MYBBP1A: variants seen among roughly 807,000 people sequenced by gnomAD.
The protein encoded by MYBBP1A is myb-binding protein 1A.
A neutral mutation model predicts 136.3 loss-of-function variants in MYBBP1A; 147 were observed. That is an observed-to-expected ratio of 1.08 (90% CI 0.94 to 1.24). The LOEUF (loss-of-function observed/expected upper bound fraction) is 1.24, where lower values mean the gene tolerates loss of function less well. MYBBP1A is among the 50% of genes most tolerant of loss of function. The pLI, the probability that MYBBP1A is intolerant of heterozygous loss-of-function variation, is 0.00. For synonymous variants in MYBBP1A, 947 were observed against 735.8 expected, an observed-to-expected ratio of 1.29 and a Z score of -4.65; for missense variants, 2,060 against 1,727.4, an observed-to-expected ratio of 1.19 and a Z score of -3.41.
intron 13 of MYBBP1A, among the ~76,000 whole-genome samples, chr17:4,546,320 T>C (rs1907008694): frequency 1.3e-5 from 2 of 152,212 alleles, no homozygotes; most frequent in South Asian, 4.1e-4. Flanking sequence ...GGTTTCACCA[T>C]GTTGGCCAGG....
At position 4,538,953 on chromosome 17, in the gene MYBBP1A, C is replaced by T; in HGVS notation, c.*462G>A. The T allele has an allele frequency of 1.3e-6, 1 of 785,250 alleles. No individual in the cohort carries two copies. Among genetic ancestry groups the T allele is most frequent in the East Asian group, 2.4e-5 (1 of 41,274 alleles). The allele number at this position is 785,250 out of a possible 1,614,324, so 48.6% of individuals were successfully genotyped here. A position where few individuals can be genotyped will look rare whatever the true frequency, so the allele number is the denominator to read the frequency against. On this transcript the variant is annotated 3_prime_UTR_variant, in exon 26 of 26. Coordinates refer to ENST00000254718, the MANE Select transcript of MYBBP1A (RefSeq NM_014520.4). ...CAAACTGCTCCTTTATTTTTTAGAG[C>T]TGCTGATTGTGAATCTCAGAGTCTT...
intron 5 of MYBBP1A, among the ~76,000 whole-genome samples, chr17:4,553,303 A>G (rs1210294532): frequency 6.6e-6 from 1 of 152,166 alleles, no homozygotes; most frequent in Admixed American, 6.5e-5. Flanking sequence ...TCGGTGACAA[A>G]AGGGCCTAGG....
rs545390342 is a variant in MYBBP1A, at chr17:4,548,888, G to A, written c.1431-239C>T. ...GCTGAACGCGGGTTAACCCGAGCTA[G>A]AGAGAGTCAGTGCCCCTCTCAAGGA... is the stretch of plus-strand genomic sequence containing the variant. On this transcript the variant is annotated intron_variant, in intron 10 of 25. Coordinates refer to ENST00000254718, the MANE Select transcript of MYBBP1A (RefSeq NM_014520.4). This position sits in a 1 kb window ranked among gnomAD's most constrained non-coding sequence, Gnocchi z 4.2. Among the ~76,000 whole-genome samples, 1 of 152,340 alleles carries A rather than the reference G, an allele frequency of 6.6e-6. No homozygotes were observed. Among genetic ancestry groups the A allele is most frequent in the Admixed American group, 6.5e-5 (1 of 15,310 alleles).
At position 4,549,324 on chromosome 17, in the gene MYBBP1A, G is replaced by A. The variant is rs1907292174; in HGVS notation, c.1430+8C>T. On this transcript the variant is annotated splice_region_variant and intron_variant, in intron 10 of 25. Transcript: ENST00000254718. ...CATGGGAAGCTGGGAATCCAGCACA[G>A]CTCGCACCTGGCCACCTGCTCAGTC... The A allele has an allele frequency of 6.2e-7, 1 of 1,608,810 alleles. No homozygotes were observed. Among genetic ancestry groups the A allele is most frequent in the Non-Finnish European group, 8.5e-7 (1 of 1,179,354 alleles).
chr17:4,555,279 T>C lies in MYBBP1A; in HGVS notation c.46A>G (p.Thr16Ala). 1 of 1,610,774 alleles carries C rather than the reference T, an allele frequency of 6.2e-7. No individual in the cohort carries two copies. The highest frequency in any genetic ancestry group is 2.2e-5 in the East Asian group (1 of 44,804). ...TCGGCAGGCCGGGCGCCACTCTGCG[T>C]CGCTTCTCCAGGCGACATCGGCTGG... ...PAQPMSPGEA[T>A]QSGARPADRY... The change falls in exon 1 of 26, where the codon ACG (threonine) becomes GCG (alanine). Residue 16 changes from threonine (T) to alanine (A), a missense_variant. Thr to Ala is a moderately conservative substitution (Grantham distance 58). Transcript: ENST00000254718.
intron 25 of MYBBP1A, 146 bp from the exon 26 acceptor site, chr17:4,540,113 T>TGAGGGTCCTGCGAGGCCC: frequency 1.7e-6 from 2 of 1,186,326 alleles, no homozygotes; most frequent in Non-Finnish European, 2.3e-6. Context: ...GAGGGTCCTA[T>TGAGGGTCCTGCGAGGCCC]GAGGGTCCTG....
At chr17:4,554,979 G>T in intron 1 of MYBBP1A, 23 bp from the exon 2 acceptor site, 1 of 1,612,088 alleles carries the variant, frequency 6.2e-7, no homozygotes, top group South Asian at 1.1e-5. Context: ...GCACACCCTC[G>T]TGTTCAATGG....
At chr17:4,547,214 C>A (rs569727966) in intron 13 of MYBBP1A, among the ~76,000 whole-genome samples, 10 of 152,266 alleles carry the variant, frequency 6.6e-5, no homozygotes, top group Admixed American at 6.5e-4. Flanking sequence ...GCCAGGGCTG[C>A]ACCTTTTATC....
At chr17:4,544,439 C>G in intron 19 of MYBBP1A, 50 bp downstream of exon 19, 1 of 1,537,796 alleles carries the variant, frequency 6.5e-7, no homozygotes, top group Non-Finnish European at 8.7e-7. Context: ...GGCTCTCCTG[C>G]GCCTGGGGGC....
Position 4,552,065 on chromosome 17 carries a change from T to C in MYBBP1A, c.905+60A>G. The C allele has an allele frequency of 6.3e-7, 1 of 1,597,260 alleles. No homozygotes were observed. The highest frequency in any genetic ancestry group is 1.1e-5 in the South Asian group (1 of 88,466). ...CCCCTGGTGGGAACCTCAGGACTAG[T>C]GGCCTAGCCCACTTCACGGACAGGG... is the stretch of plus-strand genomic sequence containing the variant. On this transcript the variant is annotated intron_variant, in intron 7 of 25. Coordinates refer to ENST00000254718, the MANE Select transcript of MYBBP1A (RefSeq NM_014520.4). The surrounding 1 kb of genome is among the most constrained non-coding windows in gnomAD (Gnocchi z 4.7).
At chr17:4,542,765 G>A (rs1285367595) in intron 20 of MYBBP1A, 24 bp from the exon 21 acceptor site, 3 of 1,611,958 alleles carry the variant, frequency 1.9e-6, no homozygotes, top group Non-Finnish European at 2.5e-6. Context: ...GAGCGAGCTG[G>A]GTGAGGCCAG....
At chr17:4,549,785 C>CAAAAAAAAAAAAAAA (rs60360356) in intron 9 of MYBBP1A, among the ~76,000 whole-genome samples, 1 of 65,404 alleles carries the variant, frequency 1.5e-5, no homozygotes, top group Non-Finnish European at 3.1e-5. Flanking sequence ...GAGACTCTGT[C>CAAAAAAAAAAAAAAA]AAAAAAAAAA....
chr17:4,548,740 C>T lies in MYBBP1A; in HGVS notation c.1431-91G>A. Reference sequence around the variant, plus strand: ...GGATGGTACCACCGAGGGTACAAGGCCAGGAGGAGGAGGAGCCGCCCTTCT... The same window carrying T: ...GGATGGTACCACCGAGGGTACAAGGTCAGGAGGAGGAGGAGCCGCCCTTCT... On this transcript the variant is annotated intron_variant, in intron 10 of 25. Transcript: ENST00000254718. This position sits in a 1 kb window ranked among gnomAD's most constrained non-coding sequence, Gnocchi z 4.2. 1 of 1,558,396 alleles carries T rather than the reference C, an allele frequency of 6.4e-7. No individual in the cohort carries two copies. The highest frequency in any genetic ancestry group is 8.7e-7 in the Non-Finnish European group (1 of 1,145,866).
rs746048290 is a variant in MYBBP1A at position 4,539,022 on chromosome 17, A to G, written c.*393T>C. The G allele has an allele frequency of 7.2e-6, 6 of 836,460 alleles. No homozygotes were observed. The African/African-American group carries it at 1.0e-4, about 14-fold the overall frequency. 51.8% of individuals were successfully genotyped at this position (836,460 alleles called of 1,614,324 possible). A position where few individuals can be genotyped will look rare whatever the true frequency, so the allele number is the denominator to read the frequency against. Reference sequence around the variant, plus strand: ...ATTCCTCTTGTAAATGAAGAAATAAACCTATTTAAATCACCCCCTGGTGGC... The same window carrying G: ...ATTCCTCTTGTAAATGAAGAAATAAGCCTATTTAAATCACCCCCTGGTGGC... On this transcript the variant is annotated 3_prime_UTR_variant, in exon 26 of 26. Coordinates refer to ENST00000254718, the MANE Select transcript of MYBBP1A (RefSeq NM_014520.4).
Position 4,553,799 on chromosome 17 carries a change from G to C in MYBBP1A, c.561+11C>G, listed in dbSNP as rs781639332. Reference sequence around the variant, plus strand: ...GTGTTGCCTGGGCCCGCACAGCTGGGGAGCTCATACCTCGGAGAGGATGTC... The same window carrying C: ...GTGTTGCCTGGGCCCGCACAGCTGGCGAGCTCATACCTCGGAGAGGATGTC... On this transcript the variant is annotated intron_variant, in intron 5 of 25. Transcript: ENST00000254718. The C allele has an allele frequency of 6.2e-7, 1 of 1,612,082 alleles. No homozygotes were observed. Among genetic ancestry groups the C allele is most frequent in the Non-Finnish European group, 8.5e-7 (1 of 1,178,438 alleles).
chr17:4,543,635 G>A (rs1311332614), intron 19 of MYBBP1A, among the ~76,000 whole-genome samples: 3 of 152,100 alleles, frequency 2.0e-5, no homozygotes, highest in South Asian at 2.1e-4. Flanking sequence ...TGGCCCGGGC[G>A]GGCCTGGGTT....
At position 4,554,272 on chromosome 17, in the gene MYBBP1A, G is replaced by A; in HGVS notation, c.301C>T (p.Gln101Ter). 6.2e-7 allele frequency: 1 copy of A among 1,613,948 alleles called. No homozygotes were observed. Among genetic ancestry groups the A allele is most frequent in the Non-Finnish European group, 8.5e-7 (1 of 1,179,926 alleles). ...CYSLALAQLL[Q>*]SFEDLPLCSI... ...CACAAGGGGAGGTCTTCAAAAGACT[G>A]TAACAGCTGCCAGGAGTTGTGTGGC... is the stretch of plus-strand genomic sequence containing the variant. Residue 101 changes from glutamine (Q) to a stop codon, truncating the protein, a stop_gained, in exon 3 of 26, where the codon CAG becomes TAG. Transcript: ENST00000254718. LOFTEE classifies it high-confidence loss of function.
Position 4,548,628 on chromosome 17 carries a change from GAAC to G in MYBBP1A, c.1449_1451del (p.Phe485del). 1 of 1,614,186 alleles carries G rather than the reference GAAC, an allele frequency of 6.2e-7. No individual in the cohort carries two copies. The highest frequency in any genetic ancestry group is 8.5e-7 in the Non-Finnish European group (1 of 1,180,028). The stretch of plus-strand genomic sequence containing the variant: ...GGGATGTGGGCTTCTTTGTGACAAA[GAAC>G]GAGTGGAACAAACAAAACCTGGGGA... On this transcript the variant is annotated inframe_deletion, in exon 11 of 26. Transcript: ENST00000254718. This position sits in a 1 kb window ranked among gnomAD's most constrained non-coding sequence, Gnocchi z 4.2.
chr17:4,546,518 G>A (rs1907028743), intron 13 of MYBBP1A, among the ~76,000 whole-genome samples: 1 of 152,182 alleles, frequency 6.6e-6, no homozygotes, highest in African/African-American at 2.4e-5. Context: ...ACTCAAGAAA[G>A]GCAGAACCTG....
Sources: gnomAD v4.1 joint callset for allele counts (sites outside exome capture counted in the v4.1 genomes callset) on GRCh38, gnomAD v4.1.1 for gene constraint, Gnocchi (gnomAD v3.1) non-coding constraint, MANE v1.5 for transcripts, NCBI Gene and HGNC (gene_info 2026-07-23, HGNC 2026-07-21) for gene names.